RHPN2: variants seen among roughly 807,000 people sequenced by gnomAD.
RHPN2 encodes rhophilin-2.
Under a neutral mutation model 79.0 loss-of-function variants are expected in RHPN2, and 40 were observed. That is an observed-to-expected ratio of 0.51 (90% confidence interval 0.39 to 0.66). The LOEUF is 0.66. Among genes scored for constraint, RHPN2 ranks in the 30% least tolerant of loss-of-function variants. RHPN2 has a pLI of 0.00. For missense variants in RHPN2, 686 were observed against 883.5 expected (o/e 0.78, Z 2.83); for synonymous variants, 285 against 363.5 (o/e 0.78, Z 2.46).
At chr19:33,002,005 T>A (rs1179059646) in intron 9 of RHPN2, among the ~76,000 whole-genome samples, 1 of 152,160 alleles carries the variant, frequency 6.6e-6, no homozygotes, top group African/African-American at 2.4e-5. Flanking sequence ...AGGTGAAAAT[T>A]CATCCTCTTG....
In RHPN2 at chr19:33,049,375, C is replaced by T. The variant is rs777259676; in HGVS notation, c.70-5011G>A. ...TCTTGTGTAATAACGAGACCTTAGC[C>T]CTGAACAAACAGCTTCCAGAATAGC... On this transcript the variant is annotated intron_variant, in intron 1 of 14. Coordinates refer to ENST00000254260, the MANE Select transcript of RHPN2 (RefSeq NM_033103.5). Among the ~76,000 whole-genome samples, 55 of 152,116 alleles carry T rather than the reference C, an allele frequency of 3.6e-4. 2 individuals carry two copies. The highest frequency in any genetic ancestry group is 6.8e-4 in the Non-Finnish European group (46 of 68,042).
chr19:33,029,788 T>C (rs974907936), intron 2 of RHPN2, among the ~76,000 whole-genome samples: 14 of 152,028 alleles, frequency 9.2e-5, no homozygotes, highest in African/African-American at 3.4e-4. Context: ...CAAAGCATAA[T>C]GAGCAAAGGG....
chr19:33,008,928 C>T (rs115111138), intron 6 of RHPN2, among the ~76,000 whole-genome samples: 70 of 152,210 alleles, frequency 4.6e-4, no homozygotes, highest in African/African-American at 1.6e-3. Flanking sequence ...TGGAATATTA[C>T]TCAGCACTAA....
At chr19:33,017,684 G>A (rs1199784384) in intron 4 of RHPN2, among the ~76,000 whole-genome samples, 1 of 137,772 alleles carries the variant, frequency 7.3e-6, no homozygotes, top group African/African-American at 2.6e-5. Flanking sequence ...GGGCATCATA[G>A]TGAGGAGACC....
intron 11 of RHPN2, among the ~76,000 whole-genome samples, chr19:32,994,396 GA>G (rs56180174): frequency 0.62 from 93,665 of 151,016 alleles, 30,038 homozygotes; most frequent in African/African-American, 0.78. Context: ...ACTCCGGGGG[GA>G]AAAAAAAAGT....
intron 1 of RHPN2, among the ~76,000 whole-genome samples, chr19:33,054,505 T>C (rs1972216399): frequency 6.6e-6 from 1 of 152,114 alleles, no homozygotes. Flanking sequence ...GGTCCCCTTT[T>C]CTCTTGTTAC....
Position 33,002,913 on chromosome 19 carries a change from A to T in RHPN2, c.848T>A (p.Met283Lys). ...PAMLSVLVKM[M>K]LAQAQESVFE... ...CACGCTTTCTTGGGCTTGTGCAAGC[A>T]TCATTTTGACGAGCACGCTGAGCAT... Residue 283 changes from methionine (M) to lysine (K), a missense_variant, in exon 8 of 15, where the codon ATG (methionine) becomes AAG (lysine). Physicochemically the swap from Met to Lys is moderately conservative, Grantham distance 95 (BLOSUM62 -1). Coordinates refer to ENST00000254260, the MANE Select transcript of RHPN2 (RefSeq NM_033103.5). 6.2e-7 allele frequency: 1 copy of T among 1,613,990 alleles called. No individual in the cohort carries two copies.
At chr19:33,028,737 C>T (rs566050109) in intron 2 of RHPN2, among the ~76,000 whole-genome samples, 52 of 152,138 alleles carry the variant, frequency 3.4e-4, no homozygotes, top group Admixed American at 5.9e-4. Context: ...TAATAGAAAT[C>T]GGCAAGCTGA....
At chr19:33,018,303 T>C (rs1019565092) in intron 4 of RHPN2, among the ~76,000 whole-genome samples, 17 of 151,786 alleles carry the variant, frequency 1.1e-4, no homozygotes, top group Non-Finnish European at 2.4e-4. Flanking sequence ...CACTCCAGCC[T>C]GGGCAACAGA....
chr19:33,013,546 A>G (rs1278875861), intron 4 of RHPN2, among the ~76,000 whole-genome samples: 2 of 151,854 alleles, frequency 1.3e-5, no homozygotes, highest in Non-Finnish European at 2.9e-5. Context: ...GTTGAAGTAA[A>G]TTTTTTGCTT....
chr19:32,986,487 C>CT (rs1971613829), intron 14 of RHPN2, among the ~76,000 whole-genome samples: 2 of 152,122 alleles, frequency 1.3e-5, no homozygotes, highest in Admixed American at 1.3e-4. Context: ...AGTCCCTTGA[C>CT]TTTATCTTCT....
intron 1 of RHPN2, among the ~76,000 whole-genome samples, chr19:33,064,026 A>C (rs1257564288): frequency 6.6e-6 from 1 of 152,140 alleles, no homozygotes; most frequent in Non-Finnish European, 1.5e-5. Context: ...CCACAGGCGG[A>C]CTTTGGAAGC....
chr19:33,028,164 T>TC (rs986966223), intron 2 of RHPN2, among the ~76,000 whole-genome samples: 3 of 151,634 alleles, frequency 2.0e-5, no homozygotes, highest in African/African-American at 7.3e-5. Context: ...TTCTTTTTTT[T>TC]TTTTTTTCTC....
At chr19:33,059,044 G>A (rs1972257483) in intron 1 of RHPN2, among the ~76,000 whole-genome samples, 1 of 151,836 alleles carries the variant, frequency 6.6e-6, no homozygotes, top group African/African-American at 2.4e-5. Flanking sequence ...GCGGGGAGCT[G>A]AGATTGTGCC....
Position 33,020,188 on chromosome 19 carries a change from T to C in RHPN2, c.390+1383A>G, listed in dbSNP as rs139979310. ...TCTGCAAATGGGAGAGGAGTCCAGA[T>C]ACCCAGGAATGTGGCTGGGGGACAC... On this transcript the variant is annotated intron_variant, in intron 4 of 14. Coordinates refer to ENST00000254260, the MANE Select transcript of RHPN2 (RefSeq NM_033103.5). Among the ~76,000 whole-genome samples the C allele has an allele frequency of 2.9e-3, 442 of 152,270 alleles. 1 individual carries two copies. Among genetic ancestry groups the C allele is most frequent in the African/African-American group, 0.01 (419 of 41,566 alleles).
intron 9 of RHPN2, among the ~76,000 whole-genome samples, chr19:33,000,478 G>T (rs1010568770): frequency 6.6e-6 from 1 of 152,060 alleles, no homozygotes; most frequent in African/African-American, 2.4e-5. Context: ...CTCCCAAAGT[G>T]CTGGGATTAT....
chr19:33,044,997 A>G (rs1972130590), intron 1 of RHPN2, among the ~76,000 whole-genome samples: 1 of 152,000 alleles, frequency 6.6e-6, no homozygotes, highest in East Asian at 1.9e-4. Flanking sequence ...CCAGGACAGA[A>G]AGGCACCCAC....
chr19:33,002,289 G>C lies in RHPN2; in HGVS notation c.1063C>G (p.Leu355Val). 1 of 1,613,766 alleles carries C rather than the reference G, an allele frequency of 6.2e-7. No individual in the cohort carries two copies. The highest frequency in any genetic ancestry group is 8.5e-7 in the Non-Finnish European group (1 of 1,179,870). Residue 355 changes from leucine (L) to valine (V), a missense_variant, in exon 9 of 15, where the codon CTG becomes GTG. Physicochemically the swap from Leu to Val is conservative, Grantham distance 32 (BLOSUM62 1). Transcript: ENST00000254260. ...ACVKAHHYAA[L>V]AHYFTAILLI... ...AGGATGGCAGTGAAGTAGTGGGCCA[G>C]GGCCGCGTAGTGGTGGGCCTTCACG...
At chr19:33,063,889 G>A (rs1016383199) in intron 1 of RHPN2, among the ~76,000 whole-genome samples, 3 of 149,524 alleles carry the variant, frequency 2.0e-5, no homozygotes, top group African/African-American at 7.4e-5. Context: ...TTGGCACACA[G>A]TGAGACGCAC....
Sources: allele counts gnomAD v4.1 joint callset (sites outside exome capture counted in the v4.1 genomes callset), GRCh38; gene constraint gnomAD v4.1.1; transcripts MANE v1.5; gene names NCBI Gene and HGNC (gene_info 2026-07-23, HGNC 2026-07-21).